Variants in TENM2 observed in about 807,000 individuals in gnomAD.
The protein encoded by TENM2 is teneurin transmembrane protein 2.
Under a neutral mutation model 245.2 loss-of-function variants are expected in TENM2, and 52 were observed. That is an observed-to-expected ratio of 0.21 (90% CI 0.17 to 0.27). The LOEUF (loss-of-function observed/expected upper bound fraction) is 0.27, where lower values mean the gene tolerates loss of function less well. Ranked by LOEUF, TENM2 falls within the 10% of genes least tolerant of loss-of-function variation. The probability of loss-of-function intolerance (pLI) is 1.00; values close to 1 mark genes in which losing one functional copy is unlikely to be tolerated. For missense variants in TENM2, 3,046 were observed against 3,666.8 expected, an observed-to-expected ratio of 0.83 and a Z score of 4.37; for synonymous variants, 1,363 against 1,438.9, an observed-to-expected ratio of 0.95 and a Z score of 1.19.
chr5:167,016,261 A>AAAAC, the TENM2 span, among the ~76,000 whole-genome samples: 1 of 117,128 alleles, frequency 8.5e-6, no homozygotes, highest in Non-Finnish European at 1.7e-5. Context: ...CTCAAAAAAA[A>AAAAC]AAACAAACAA....
At chr5:167,813,125 C>G (rs1299516159) in intron 2 of TENM2, among the ~76,000 whole-genome samples, 1 of 152,094 alleles carries the variant, frequency 6.6e-6, no homozygotes, top group Non-Finnish European at 1.5e-5. Flanking sequence ...TCCTGGCCAC[C>G]TTTGCTGGGG....
chr5:167,974,080 A>AGGAAG lies in TENM2; in HGVS notation c.948-18862_948-18858dup, dbSNP rs1554163842. On this transcript the variant is annotated intron_variant, in intron 4 of 28. Transcript: ENST00000518659. ...AAAGGAGGGAGGGAGGGAGGAAGGA[A>AGGAAG]GGAAGGAAGGGAAGGAAGGAAGGGA... Among the ~76,000 whole-genome samples the AGGAAG allele has an allele frequency of 3.3e-4, 2 of 6,118 alleles. 1 individual carries two copies. Among genetic ancestry groups the AGGAAG allele is most frequent in the Admixed American group, 5.1e-3 (2 of 390 alleles). 4.0% of individuals were successfully genotyped at this position (6,118 alleles called of 152,430 possible).
At chr5:167,522,889 T>G (rs1221663661) in intron 2 of TENM2, among the ~76,000 whole-genome samples, 2 of 151,518 alleles carry the variant, frequency 1.3e-5, no homozygotes, top group African/African-American at 4.8e-5. Context: ...ATCCTAGGGC[T>G]GCCGTAATGA....
intron 2 of TENM2, among the ~76,000 whole-genome samples, chr5:167,753,914 G>A (rs1391325888): frequency 6.6e-6 from 1 of 152,118 alleles, no homozygotes; most frequent in Non-Finnish European, 1.5e-5. Context: ...CTTTGGTAAT[G>A]AGCCATTATG....
At chr5:167,145,706 C>T in the TENM2 span, among the ~76,000 whole-genome samples, 1 of 152,252 alleles carries the variant, frequency 6.6e-6, no homozygotes, top group Non-Finnish European at 1.5e-5. Flanking sequence ...TTTGACAGAT[C>T]CTTCCGCTGC....
At chr5:167,418,530 G>A (rs1249915978) in intron 2 of TENM2, among the ~76,000 whole-genome samples, 4 of 152,084 alleles carry the variant, frequency 2.6e-5, no homozygotes, top group African/African-American at 9.7e-5. Context: ...TGAAGCTTGA[G>A]AAAAGCTAAG....
chr5:167,755,210 G>A, intron 2 of TENM2: 1 of 1,585,166 alleles, frequency 6.3e-7, no homozygotes, highest in Admixed American at 1.7e-5. Flanking sequence ...TGATGGATGT[G>A]CATGCAGATG....
At chr5:167,556,734 A>G (rs78515757) in intron 2 of TENM2, among the ~76,000 whole-genome samples, 14,026 of 152,124 alleles carry the variant, frequency 0.092, 1,027 homozygotes, top group Admixed American at 0.26. Context: ...CTTTTGATGT[A>G]TACTGGCTGC....
the TENM2 span, among the ~76,000 whole-genome samples, chr5:167,242,291 C>G: frequency 6.6e-6 from 1 of 152,162 alleles, no homozygotes; most frequent in Non-Finnish European, 1.5e-5. Flanking sequence ...CTCAGGTGAT[C>G]TGTCTGCCTC....
At chr5:167,358,847 ACACAC>A (rs1446717118) in intron 1 of TENM2, among the ~76,000 whole-genome samples, 1 of 105,846 alleles carries the variant, frequency 9.4e-6, no homozygotes, top group East Asian at 3.3e-4. Context: ...ACACACACAC[ACACAC>A]CCTGCTGTTT....
chr5:167,050,979 A>G, the TENM2 span, among the ~76,000 whole-genome samples: 2 of 152,154 alleles, frequency 1.3e-5, no homozygotes, highest in Admixed American at 1.3e-4. Context: ...TCCCTTGTCT[A>G]AAACACTGAC....
intron 2 of TENM2, among the ~76,000 whole-genome samples, chr5:167,735,122 T>C (rs2150570891): frequency 6.6e-6 from 1 of 152,270 alleles, no homozygotes; most frequent in East Asian, 1.9e-4. Flanking sequence ...AGCAAACAAT[T>C]GCTTTGAAGT....
chr5:167,625,241 C>T lies in TENM2; in HGVS notation c.502+249768C>T, dbSNP rs144022274. 4.6e-3 allele frequency among the ~76,000 whole-genome samples: 693 copies of T among 152,292 alleles called. 2 individuals are homozygous for T. The highest frequency in any genetic ancestry group is 0.015 in the African/African-American group (637 of 41,552). On this transcript the variant is annotated intron_variant, in intron 2 of 28. Coordinates refer to ENST00000518659, the Ensembl canonical transcript of TENM2. ...GACTAAGATGACTTTTTGCATACTG[C>T]CTACAACAGCTATCTGGTATTACCA... is the stretch of plus-strand genomic sequence containing the variant.
the TENM2 span, among the ~76,000 whole-genome samples, chr5:167,076,659 A>G: frequency 6.6e-6 from 1 of 152,228 alleles, no homozygotes; most frequent in Non-Finnish European, 1.5e-5. Context: ...TCTTTTAAGA[A>G]ATAAGATTAA....
intron 2 of TENM2, among the ~76,000 whole-genome samples, chr5:167,595,885 G>GACTGC (rs1179053557): frequency 4.6e-5 from 7 of 152,102 alleles, no homozygotes; most frequent in Non-Finnish European, 8.8e-5. Flanking sequence ...TAAAATAAAG[G>GACTGC]AAGAAAAACT....
At chr5:167,793,419 A>G (rs1469838014) in intron 2 of TENM2, among the ~76,000 whole-genome samples, 2 of 152,134 alleles carry the variant, frequency 1.3e-5, no homozygotes, top group Non-Finnish European at 2.9e-5. Flanking sequence ...TAATAAATAT[A>G]TAGTAATATT....
chr5:167,364,504 A>G (rs1759919928), intron 1 of TENM2, among the ~76,000 whole-genome samples: 1 of 152,168 alleles, frequency 6.6e-6, no homozygotes, highest in African/African-American at 2.4e-5. Context: ...ATTAAAAGAC[A>G]GAGATTGTCA....
chr5:167,782,526 C>T (rs1443870941), intron 2 of TENM2, among the ~76,000 whole-genome samples: 4 of 152,008 alleles, frequency 2.6e-5, no homozygotes, highest in African/African-American at 9.7e-5. Flanking sequence ...CACCATCCCT[C>T]AGTCAAGTCA....
intron 3 of TENM2, among the ~76,000 whole-genome samples, chr5:167,911,392 T>C (rs1776538401): frequency 6.6e-6 from 1 of 152,130 alleles, no homozygotes; most frequent in South Asian, 2.1e-4. Context: ...CTGGGCGTGG[T>C]GGCGGGCGCC....
Sources: gnomAD v4.1 joint callset for allele counts (sites outside exome capture counted in the v4.1 genomes callset) on GRCh38, gnomAD v4.1.1 for gene constraint, MANE v1.5 for transcripts, NCBI Gene and HGNC (gene_info 2026-07-23, HGNC 2026-07-21) for gene names.